DDX25: variants seen among roughly 807,000 people sequenced by gnomAD.
DDX25 encodes the protein ATP-dependent RNA helicase DDX25.
In DDX25, 70 loss-of-function variants were observed where a neutral mutation model predicts 64.6. The observed-to-expected ratio is 1.08, with a 90% CI of 0.89 to 1.32. The LOEUF is 1.32. Ranked by LOEUF, DDX25 falls within the 40% of genes most tolerant of loss-of-function variation. DDX25 has a pLI of 0.00. For missense variants in DDX25, 587 were observed against 604.4 expected, an observed-to-expected ratio of 0.97 and a Z score of 0.30; for synonymous variants, 211 against 213.3, an observed-to-expected ratio of 0.99 and a Z score of 0.09.
chr11:125,918,192 T>C lies in DDX25; in HGVS notation c.1039-436T>C, dbSNP rs1020555389. 2.0e-5 allele frequency among the ~76,000 whole-genome samples: 3 copies of C among 152,186 alleles called. No homozygotes were observed. In the South Asian group the frequency reaches 6.2e-4, roughly 32 times the overall value. Reference sequence around the variant, plus strand: ...CACCGCACCTGGCCTGTTTTTAATTTTTTAAATGAAATTAGGTTGCTACTT... The same window carrying C: ...CACCGCACCTGGCCTGTTTTTAATTCTTTAAATGAAATTAGGTTGCTACTT... On this transcript the variant is annotated intron_variant, in intron 9 of 11. Coordinates refer to ENST00000263576, the MANE Select transcript of DDX25 (RefSeq NM_013264.5).
upstream of DDX25, among the ~76,000 whole-genome samples, chr11:125,904,011 G>GC (rs1343343664): frequency 3.3e-5 from 5 of 152,242 alleles, no homozygotes; most frequent in Non-Finnish European, 5.9e-5. Flanking sequence ...CGCAACTGTG[G>GC]CATTCGAGGT....
At position 125,921,490 on chromosome 11, in the gene DDX25, G is replaced by A; in HGVS notation, c.1390+111G>A. 1.6e-6 allele frequency: 2 copies of A among 1,263,408 alleles called. No homozygotes were observed. Among genetic ancestry groups the A allele is most frequent in the Non-Finnish European group, 2.1e-6 (2 of 933,682 alleles). The allele number at this position is 1,263,408 out of a possible 1,614,324, so 78.3% of individuals were successfully genotyped here. On this transcript the variant is annotated intron_variant, in intron 11 of 11. Coordinates refer to ENST00000263576, the MANE Select transcript of DDX25 (RefSeq NM_013264.5). The surrounding 1 kb of genome is among the most constrained non-coding windows in gnomAD (Gnocchi z 4.1). ...CTCATGAGAGTAGTAGAAGCAGAAT[G>A]CATGAGCTGGAAGGCTTCTAATTCA...
chr11:125,904,395 G>A (rs1011550676), upstream of DDX25: 1 of 949,202 alleles, frequency 1.1e-6, no homozygotes, highest in Non-Finnish European at 1.4e-6. Flanking sequence ...GCACCGCGGT[G>A]GTCGCGGGCG....
chr11:125,913,174 A>C (rs1339059998), intron 8 of DDX25, among the ~76,000 whole-genome samples: 1 of 151,724 alleles, frequency 6.6e-6, no homozygotes, highest in Admixed American at 6.6e-5. Context: ...AAAAAAAAAA[A>C]ACCATCCATT....
chr11:125,920,059 C>T (rs1945091274), intron 10 of DDX25, among the ~76,000 whole-genome samples: 1 of 152,140 alleles, frequency 6.6e-6, no homozygotes, highest in East Asian at 1.9e-4. Context: ...GGATCCTGAC[C>T]CGGACAGCTT....
chr11:125,917,274 C>T (rs1945052069), intron 9 of DDX25, 23 bp downstream of exon 9: 34 of 1,572,294 alleles, frequency 2.2e-5, no homozygotes, highest in Non-Finnish European at 2.8e-5. Context: ...GATGTGTCTT[C>T]ATCGAGCCCA....
intron 10 of DDX25, among the ~76,000 whole-genome samples, chr11:125,920,770 T>C (rs2134284976): frequency 6.6e-6 from 1 of 152,118 alleles, no homozygotes; most frequent in Non-Finnish European, 1.5e-5. Context: ...ACCAGGACAG[T>C]AGCCATGAAA....
At chr11:125,910,528 C>T (rs1432962585) in intron 7 of DDX25, 50 bp downstream of exon 7, 1 of 1,523,704 alleles carries the variant, frequency 6.6e-7, no homozygotes, top group Non-Finnish European at 9.1e-7. Flanking sequence ...CCTGGCTTCA[C>T]CACGAATAAG....
rs1270165625 is a variant in DDX25 at position 125,926,405 on chromosome 11, CTA to C, written c.*3526_*3527del. ...CCCTCATATCATATTAACCCACAGA[CTA>C]TGAAATCATCACAGTCTTGTTCTAT... is the stretch of plus-strand genomic sequence containing the variant. On this transcript the variant is annotated 3_prime_UTR_variant, in exon 12 of 12. Transcript: ENST00000263576. 2.0e-5 allele frequency: 3 copies of C among 152,242 alleles called. No homozygotes were observed. The highest frequency in any genetic ancestry group is 7.2e-5 in the African/African-American group (3 of 41,470). The allele number at this position is 152,242 out of a possible 1,614,324, so 9.4% of individuals were successfully genotyped here.
In DDX25 at chr11:125,908,441, A is replaced by G. The variant is rs369130610; in HGVS notation, c.445A>G (p.Lys149Glu). The stretch of plus-strand genomic sequence containing the variant: ...AGCACAGAGCCAGTCTGGAACAGGA[A>G]AGACAGCGGCATTTGTGTTGGCAAT... ...LIAQSQSGTGKTAAFVLAMLS... is the reference protein window; with the variant it reads ...LIAQSQSGTGETAAFVLAMLS... The change falls in exon 6 of 12, where the codon AAG (lysine) becomes GAG (glutamate). Residue 149 changes from lysine (K) to glutamate (E), a missense_variant. Transcript: ENST00000263576. 1 of 1,613,912 alleles carries G rather than the reference A, an allele frequency of 6.2e-7. No individual in the cohort carries two copies. The highest frequency in any genetic ancestry group is 8.5e-7 in the Non-Finnish European group (1 of 1,179,904).
chr11:125,904,755 A>T (rs1163996978), intron 1 of DDX25, 175 bp downstream of exon 1: 1 of 796,658 alleles, frequency 1.3e-6, no homozygotes, highest in Non-Finnish European at 2.0e-6. Context: ...CCCCGTCCCC[A>T]CCCCCACGAG....
At chr11:125,910,564 T>A (rs1944953714) in intron 7 of DDX25, 86 bp downstream of exon 7, 1 of 1,152,020 alleles carries the variant, frequency 8.7e-7, no homozygotes, top group Non-Finnish European at 1.3e-6. Flanking sequence ...CTTGGCATTC[T>A]CATCTCTAAA....
Position 125,907,325 on chromosome 11 carries a change from T to A in DDX25, c.312-871T>A, listed in dbSNP as rs574395376. 6.1e-4 allele frequency among the ~76,000 whole-genome samples: 93 copies of A among 152,282 alleles called. 1 individual carries two copies. The highest frequency in any genetic ancestry group is 1.3e-3 in the Admixed American group (20 of 15,294). On this transcript the variant is annotated intron_variant, in intron 4 of 11. Coordinates refer to ENST00000263576, the MANE Select transcript of DDX25 (RefSeq NM_013264.5). ...GTGCATGTCATTAAAAGTTGAAGTG[T>A]TGGCCGGGCGCGGTGGCTCACGCCT...
Position 125,911,288 on chromosome 11 carries a change from GCTTAAAACC to G in DDX25, c.623-19_623-11del, listed in dbSNP as rs1307438044. On this transcript the variant is annotated splice_polypyrimidine_tract_variant and intron_variant, in intron 7 of 11. Transcript: ENST00000263576. The stretch of plus-strand genomic sequence containing the variant: ...TGGAGTTGTTTGCATCTGAAGGAGT[GCTTAAAACC>G]CTTTTCTCCCCAGTTCCCAGAGGCA... 5.6e-6 allele frequency: 9 copies of G among 1,595,244 alleles called. No homozygotes were observed. Among genetic ancestry groups the G allele is most frequent in the Non-Finnish European group, 7.7e-6 (9 of 1,170,660 alleles).
chr11:125,919,343 G>A (rs925023063), intron 10 of DDX25, among the ~76,000 whole-genome samples: 1 of 152,112 alleles, frequency 6.6e-6, no homozygotes, highest in Admixed American at 6.5e-5. Flanking sequence ...ATAGGTGTGC[G>A]TTTAGCTTTA....
At position 125,908,556 on chromosome 11, in the gene DDX25, T is replaced by A. The variant is rs551365; in HGVS notation, c.507+53T>A. ...AATGCTTGCACTACCAGTGCTAATT[T>A]AGTAATAGGTGATATTCCTGTGCAA... On this transcript the variant is annotated intron_variant, in intron 6 of 11. Coordinates refer to ENST00000263576, the MANE Select transcript of DDX25 (RefSeq NM_013264.5). 221,061 of 1,486,650 alleles carry A rather than the reference T, an allele frequency of 0.15. 17,912 individuals are homozygous for A. The highest frequency in any genetic ancestry group is 0.28 in the Admixed American group (16,576 of 59,480). 92.1% of individuals were successfully genotyped at this position (1,486,650 alleles called of 1,614,324 possible).
Position 125,919,203 on chromosome 11 carries a change from T to G in DDX25, c.1201+413T>G, listed in dbSNP as rs1006174719. ...CGTCTGTCCACCAGTTGATGGACAT[T>G]TGGACTGCTTTCAGTTTGTGGCTAT... On this transcript the variant is annotated intron_variant, in intron 10 of 11. Coordinates refer to ENST00000263576, the MANE Select transcript of DDX25 (RefSeq NM_013264.5). Among the ~76,000 whole-genome samples the G allele has an allele frequency of 3.3e-5, 5 of 152,244 alleles. No individual in the cohort carries two copies. In the South Asian group the frequency reaches 1.0e-3, roughly 31 times the overall value.
At chr11:125,916,598 G>A (rs1306124354) in intron 8 of DDX25, among the ~76,000 whole-genome samples, 1 of 152,138 alleles carries the variant, frequency 6.6e-6, no homozygotes, top group African/African-American at 2.4e-5. Flanking sequence ...AGTTGTGGTT[G>A]TTCTTTCCCT....
At position 125,911,420 on chromosome 11, in the gene DDX25, T is replaced by C. The variant is rs1186166920; in HGVS notation, c.732T>C (p.Phe244=). Reference sequence around the variant, plus strand: ...TTGATTTGACTAAGATTCGTGTGTTTGTCCTGGATGAAGCAGATGTGATGA... The same window carrying C: ...TTGATTTGACTAAGATTCGTGTGTTCGTCCTGGATGAAGCAGATGTGATGA... ...KLIDLTKIRV[F]VLDEADVMID... is the part of the protein sequence containing the mutation. The change falls in exon 8 of 12, where the codon TTT becomes TTC. Residue 244 remains phenylalanine (F), a synonymous_variant. Transcript: ENST00000263576. 2.5e-6 allele frequency: 4 copies of C among 1,613,886 alleles called. No individual in the cohort carries two copies. The highest frequency in any genetic ancestry group is 3.4e-6 in the Non-Finnish European group (4 of 1,179,894).
Sources: allele counts gnomAD v4.1 joint callset (sites outside exome capture counted in the v4.1 genomes callset), GRCh38; gene constraint gnomAD v4.1.1; non-coding constraint Gnocchi (gnomAD v3.1); transcripts MANE v1.5; gene names NCBI Gene and HGNC (gene_info 2026-07-23, HGNC 2026-07-21).